The following DDR2 variants were observed in gnomAD, a reference collection of about 807,000 sequenced individuals.
DDR2 encodes discoidin domain-containing receptor 2.
In DDR2, 27 loss-of-function variants were observed where a neutral mutation model predicts 94.9. The observed-to-expected ratio is 0.28, with a 90% confidence interval of 0.21 to 0.39. The LOEUF is 0.39. Among genes scored for constraint, DDR2 ranks in the 10% least tolerant of loss-of-function variants. DDR2 has a pLI of 1.00. For synonymous variants in DDR2, 382 were observed against 377.2 expected (o/e 1.01, Z -0.15); for missense variants, 783 against 1,076.0 (o/e 0.73, Z 3.81).
intron 1 of DDR2, among the ~76,000 whole-genome samples, chr1:162,640,788 TA>T (rs2101888142): frequency 1.3e-5 from 2 of 152,262 alleles, no homozygotes; most frequent in African/African-American, 4.8e-5. Context: ...AGCAGATAAG[TA>T]GGTATTTTTG....
In DDR2 at chr1:162,766,069, T is replaced by C; in HGVS notation, c.1162+6T>C. 1 of 1,613,838 alleles carries C rather than the reference T, an allele frequency of 6.2e-7. No individual in the cohort carries two copies. The highest frequency in any genetic ancestry group is 8.5e-7 in the Non-Finnish European group (1 of 1,179,856). ...TATGGCACCCACAACCTATGGTATA[T>C]GTGATTCCTAATTACACAAATTAAT... On this transcript the variant is annotated splice_donor_region_variant and intron_variant, in intron 10 of 17. Coordinates refer to ENST00000367921, the MANE Select transcript of DDR2 (RefSeq NM_006182.4).
chr1:162,699,685 G>T (rs957934846), intron 2 of DDR2, among the ~76,000 whole-genome samples: 2 of 152,202 alleles, frequency 1.3e-5, no homozygotes, highest in Admixed American at 1.3e-4. Context: ...TATCTTCGAT[G>T]AATTCAGCTT....
intron 3 of DDR2, among the ~76,000 whole-genome samples, chr1:162,742,344 A>G (rs1426261567): frequency 6.6e-6 from 1 of 152,218 alleles, no homozygotes; most frequent in Admixed American, 6.5e-5. Flanking sequence ...TGCAGGCTGC[A>G]CAAGCATGGC....
chr1:162,739,644 T>C (rs772387750), intron 3 of DDR2, among the ~76,000 whole-genome samples: 17 of 152,210 alleles, frequency 1.1e-4, no homozygotes, highest in Non-Finnish European at 2.2e-4. Flanking sequence ...GATGGGCACC[T>C]AGGCTGATTT....
intron 3 of DDR2, among the ~76,000 whole-genome samples, chr1:162,745,214 C>A (rs1662791878): frequency 6.6e-6 from 1 of 152,102 alleles, no homozygotes; most frequent in African/African-American, 2.4e-5. Flanking sequence ...TGTATGAGTT[C>A]CCTATATATC....
At chr1:162,732,348 C>T (rs1358543408) in intron 3 of DDR2, among the ~76,000 whole-genome samples, 1 of 152,212 alleles carries the variant, frequency 6.6e-6, no homozygotes, top group Non-Finnish European at 1.5e-5. Context: ...TTGTGGGAAG[C>T]AGGGCCTCAG....
At position 162,778,648 on chromosome 1, in the gene DDR2, T is replaced by C. The variant is rs2102206507; in HGVS notation, c.2352T>C (p.Cys784=). ...CTTTGTGGGAGACTTTCACCTTTTGTCAAGAACAGCCCTATTCCCAGCTGT... is the reference window on the plus strand; with the variant it reads ...CTTTGTGGGAGACTTTCACCTTTTGCCAAGAACAGCCCTATTCCCAGCTGT... ...GVTLWETFTF[C]QEQPYSQLSD... The change falls in exon 17 of 18, where the codon TGT becomes TGC. Residue 784 remains cysteine, a synonymous_variant. Transcript: ENST00000367921. 3 of 1,614,058 alleles carry C rather than the reference T, an allele frequency of 1.9e-6. No homozygotes were observed. The highest frequency in any genetic ancestry group is 1.1e-5 in the South Asian group (1 of 91,078).
chr1:162,737,124 T>G (rs2102072849), intron 3 of DDR2, among the ~76,000 whole-genome samples: 1 of 150,870 alleles, frequency 6.6e-6, no homozygotes, highest in African/African-American at 2.4e-5. Flanking sequence ...TTTTTTTTAT[T>G]ACAGTTTTAT....
chr1:162,676,210 TA>T (rs1329905810), intron 2 of DDR2, among the ~76,000 whole-genome samples: 1 of 151,960 alleles, frequency 6.6e-6, no homozygotes, highest in Non-Finnish European at 1.5e-5. Context: ...TAAAGGCTCA[TA>T]AAACTTCTGC....
Position 162,727,920 on chromosome 1 carries a change from G to A in DDR2, c.82+8775G>A, listed in dbSNP as rs972788287. Among the ~76,000 whole-genome samples, 7 of 146,376 alleles carry A rather than the reference G, an allele frequency of 4.8e-5. No homozygotes were observed. The East Asian group carries it at 9.8e-4, about 21-fold the overall frequency. On this transcript the variant is annotated intron_variant, in intron 3 of 17. Transcript: ENST00000367921. ...ATCCATACTCTTCAGAGACCCACAG[G>A]CCAGGACCAAGAGCTAAGTCGACAA...
intron 2 of DDR2, chr1:162,705,085 T>A (rs951919869): frequency 6.6e-6 from 1 of 152,304 alleles, no homozygotes; most frequent in African/African-American, 2.4e-5. Context: ...GACTGTAGCC[T>A]CATTTCTGTG....
intron 7 of DDR2, among the ~76,000 whole-genome samples, 187 bp from the exon 8 acceptor site, chr1:162,759,609 T>A (rs1368704975): frequency 5.9e-5 from 9 of 152,194 alleles, no homozygotes; most frequent in African/African-American, 1.9e-4. Context: ...AATTCTTAGT[T>A]CTCCATTGAT....
At chr1:162,745,037 C>T (rs1399961107) in intron 3 of DDR2, among the ~76,000 whole-genome samples, 7 of 152,300 alleles carry the variant, frequency 4.6e-5, no homozygotes, top group Middle Eastern at 3.4e-3. Flanking sequence ...GTCATCCTGA[C>T]ATGTATAAGG....
rs562825480 is a variant in DDR2, at chr1:162,647,594, G to C, written c.-191-7617G>C. 1.2e-4 allele frequency among the ~76,000 whole-genome samples: 18 copies of C among 152,324 alleles called. No homozygotes were observed. In the South Asian group the frequency reaches 1.7e-3, roughly 14 times the overall value. ...TATTTCTTGATTATATGCTAAATAA[G>C]GAGTGGATAATTCGTGAGTTTTCTG... On this transcript the variant is annotated intron_variant, in intron 1 of 17. Transcript: ENST00000367921.
chr1:162,778,188 A>T (rs1647693658), intron 16 of DDR2, among the ~76,000 whole-genome samples: 1 of 152,164 alleles, frequency 6.6e-6, no homozygotes, highest in South Asian at 2.1e-4. Context: ...GGTAAATGAG[A>T]GTCCTGGATT....
chr1:162,693,792 C>A (rs532440291), intron 2 of DDR2, among the ~76,000 whole-genome samples: 2 of 152,238 alleles, frequency 1.3e-5, no homozygotes, highest in African/African-American at 4.8e-5. Flanking sequence ...GAAGAACATT[C>A]CAGGCAGAGA....
chr1:162,770,187 G>A, intron 11 of DDR2, 115 bp from the exon 12 acceptor site: 3 of 1,046,140 alleles, frequency 2.9e-6, no homozygotes, highest in Middle Eastern at 5.0e-4. Context: ...TGTTGCTGGG[G>A]TTAAACAGTA....
intron 2 of DDR2, among the ~76,000 whole-genome samples, chr1:162,693,261 T>C (rs932347881): frequency 6.6e-6 from 1 of 152,202 alleles, no homozygotes; most frequent in African/African-American, 2.4e-5. Context: ...CACAGGTATG[T>C]TCACTTTGTC....
chr1:162,664,277 T>G (rs1315663692), intron 2 of DDR2, among the ~76,000 whole-genome samples: 1 of 152,168 alleles, frequency 6.6e-6, no homozygotes, highest in Non-Finnish European at 1.5e-5. Context: ...CAGAATTGTA[T>G]GTATATGTTT....
Sources: allele counts gnomAD v4.1 joint callset (sites outside exome capture counted in the v4.1 genomes callset), GRCh38; gene constraint gnomAD v4.1.1; transcripts MANE v1.5; gene names NCBI Gene and HGNC (gene_info 2026-07-23, HGNC 2026-07-21).